Variants in SPRY3 observed in about 807,000 individuals in gnomAD.
SPRY3 encodes the protein sprouty RTK signaling antagonist 3.
Under a neutral mutation model 20.2 loss-of-function variants are expected in SPRY3, and 15 were observed. That is an observed-to-expected ratio of 0.74 (90% confidence interval 0.50 to 1.14). The LOEUF is 1.14. Ranked by LOEUF, SPRY3 falls within the 50% of genes most tolerant of loss-of-function variation. The pLI is 0.00. For synonymous variants in SPRY3, 143 were observed against 136.5 expected (o/e 1.05, Z -0.33); for missense variants, 364 against 363.9 (o/e 1.00, Z 0.00).
chrX:155,761,856 A>G (rs1312686078), intron 2 of SPRY3, among the ~76,000 whole-genome samples: 1 of 150,114 alleles, frequency 6.7e-6, no homozygotes, highest in Non-Finnish European at 1.5e-5. Flanking sequence ...ATTCTTCTTT[A>G]TCCTTTTGCT....
intron 1 of SPRY3, among the ~76,000 whole-genome samples, chrX:155,643,544 ACTTC>A (rs1381729739): frequency 1.8e-5 from 2 of 110,709 alleles, no homozygotes; most frequent in Admixed American, 9.6e-5. Context: ...TCTCGTCTTA[ACTTC>A]CTTCCTTTCT....
At chrX:155,725,225 A>G (rs138665472) in intron 2 of SPRY3, among the ~76,000 whole-genome samples, 1 of 152,296 alleles carries the variant, frequency 6.6e-6, no homozygotes, top group African/African-American at 2.4e-5. Flanking sequence ...GTTTGCCAGT[A>G]TTTTATTGAG....
At chrX:155,632,510 C>T (rs781939365) in intron 1 of SPRY3, among the ~76,000 whole-genome samples, 53 of 111,751 alleles carry the variant, frequency 4.7e-4, no homozygotes, top group Non-Finnish European at 6.0e-4. Flanking sequence ...AGCAGGTCAT[C>T]TGAGGGCTGG....
At chrX:155,638,498 G>T (rs2067931728) in intron 1 of SPRY3, among the ~76,000 whole-genome samples, 1 of 105,614 alleles carries the variant, frequency 9.5e-6, no homozygotes, top group Admixed American at 1.0e-4. Context: ...TATTCTAATG[G>T]ATTTTTTTGG....
intron 2 of SPRY3, among the ~76,000 whole-genome samples, chrX:155,690,062 A>G (rs750453844): frequency 1.1e-5 from 1 of 88,401 alleles, no homozygotes; most frequent in East Asian, 3.3e-4. Context: ...TTTCTGCCTT[A>G]ATTTCATTAT....
chrX:155,768,257 CGCGCGCGCGCAAGCGCATGGAT>C (rs1429781945), intron 3 of SPRY3, 121 bp downstream of exon 2: 2 of 151,492 alleles, frequency 1.3e-5, no homozygotes, highest in African/African-American at 4.9e-5. Flanking sequence ...CGCGCTTGGG[CGCGCGCGCGCAAGCGCATGGAT>C]AAAATAAAAT....
At chrX:155,715,348 AG>A (rs2091014978) in intron 2 of SPRY3, among the ~76,000 whole-genome samples, 1 of 152,092 alleles carries the variant, frequency 6.6e-6, no homozygotes. Context: ...CTTTTGGCTC[AG>A]GGTGTGTCTA....
At chrX:155,654,006 C>A (rs1327625924) in intron 1 of SPRY3, among the ~76,000 whole-genome samples, 10 of 111,978 alleles carry the variant, frequency 8.9e-5, no homozygotes, top group Non-Finnish European at 1.9e-4. Flanking sequence ...GGGCTCAACC[C>A]TGCAATACTG....
chrX:155,725,570 T>TA (rs2091091743), intron 2 of SPRY3, among the ~76,000 whole-genome samples: 1 of 152,236 alleles, frequency 6.6e-6, no homozygotes, highest in Non-Finnish European at 1.5e-5. Context: ...GTCAAGGAAT[T>TA]TATCTATTTC....
intron 2 of SPRY3, among the ~76,000 whole-genome samples, chrX:155,686,383 G>T (rs1415406732): frequency 3.6e-5 from 4 of 111,533 alleles, no homozygotes; most frequent in Non-Finnish European, 7.5e-5. Context: ...TTAAATCCTA[G>T]GAAAATATTG....
exon 2 of SPRY3, chrX:155,782,264 T>C (rs306873): frequency 0.34 from 56,412 of 166,680 alleles, 10,792 homozygotes; most frequent in African/African-American, 0.53. Flanking sequence ...GAGGATCTAG[T>C]ACTCCCAGAA....
chrX:155,695,554 C>G (rs1355413811), intron 2 of SPRY3, among the ~76,000 whole-genome samples: 1 of 110,140 alleles, frequency 9.1e-6, no homozygotes, highest in African/African-American at 3.3e-5. Flanking sequence ...ACATATTTTT[C>G]TGCCCCATTT....
intron 2 of SPRY3, among the ~76,000 whole-genome samples, chrX:155,766,703 C>G (rs909821889): frequency 1.3e-5 from 2 of 152,186 alleles, no homozygotes. Flanking sequence ...TTACAGAAAG[C>G]TTTGTCCTTG....
At chrX:155,667,473 T>C (rs2068028202) in intron 2 of SPRY3, among the ~76,000 whole-genome samples, 1 of 110,810 alleles carries the variant, frequency 9.0e-6, no homozygotes, top group African/African-American at 3.3e-5. Flanking sequence ...CCCTCTACTA[T>C]AATAAGTTGA....
intron 2 of SPRY3, among the ~76,000 whole-genome samples, chrX:155,737,904 T>C (rs1462298884): frequency 6.6e-6 from 1 of 152,164 alleles, no homozygotes; most frequent in African/African-American, 2.4e-5. Context: ...TGTGGGAATA[T>C]AAGAGTGTAT....
At chrX:155,658,068 T>C (rs1172780612) in intron 2 of SPRY3, among the ~76,000 whole-genome samples, 6 of 112,447 alleles carry the variant, frequency 5.3e-5, no homozygotes, top group African/African-American at 1.9e-4. Context: ...GCCAGCAGAA[T>C]CTACTGTGCC....
intron 2 of SPRY3, among the ~76,000 whole-genome samples, chrX:155,693,627 T>A (rs752871855): frequency 8.9e-6 from 1 of 111,997 alleles, no homozygotes; most frequent in Admixed American, 9.5e-5. Context: ...TCTGTCAATT[T>A]TTGTCTCATG....
In SPRY3 at chrX:155,659,734, T is replaced by C. The variant is rs190905773; in HGVS notation, c.-282+2709T>C. Among the ~76,000 whole-genome samples, 21 of 111,904 alleles carry C rather than the reference T, an allele frequency of 1.9e-4. No homozygotes were observed. In the East Asian group the frequency reaches 5.1e-3, roughly 27 times the overall value. On this transcript the variant is annotated intron_variant, in intron 2 of 3. Transcript: ENST00000675360. ...TGGTTGTTGGTCTGTTCACATTTTC[T>C]ACCTTGTAGTTCAATCTTTGGAGGT... is the stretch of plus-strand genomic sequence containing the variant.
In SPRY3 at chrX:155,773,788, T is replaced by C. The variant is rs1275682588; in HGVS notation, c.-84T>C. On this transcript the variant is annotated 5_prime_UTR_variant, in exon 4 of 4. Transcript: ENST00000675360. ...TAGGATTTTCTCATGTGCCCTGAAATCCATGTAACTACAAGGGCTCCTCTT... is the reference window on the plus strand; with the variant it reads ...TAGGATTTTCTCATGTGCCCTGAAACCCATGTAACTACAAGGGCTCCTCTT... 4.7e-6 allele frequency: 7 copies of C among 1,474,080 alleles called. No homozygotes were observed. In the African/African-American group the frequency reaches 7.0e-5, roughly 15 times the overall value. 91.3% of individuals were successfully genotyped at this position (1,474,080 alleles called of 1,614,324 possible).
Sources: allele counts gnomAD v4.1 joint callset (sites outside exome capture counted in the v4.1 genomes callset), GRCh38; gene constraint gnomAD v4.1.1; transcripts MANE v1.5; gene names NCBI Gene and HGNC (gene_info 2026-07-23, HGNC 2026-07-21).